The following ARHGAP24 variants were observed in gnomAD, a reference collection of about 807,000 sequenced individuals.
ARHGAP24 encodes the protein rho GTPase-activating protein 24.
A neutral mutation model predicts 76.4 loss-of-function variants in ARHGAP24; 50 were observed. The observed-to-expected ratio is 0.65, with a 90% CI of 0.52 to 0.83. ARHGAP24 has a LOEUF of 0.83. Ranked by LOEUF, ARHGAP24 falls within the 40% of genes least tolerant of loss-of-function variation. ARHGAP24 has a pLI of 0.00. For missense variants in ARHGAP24, 930 were observed against 914.2 expected (o/e 1.02, Z -0.22); for synonymous variants, 345 against 323.3 (o/e 1.07, Z -0.72).
At chr4:85,637,680 A>AAG (rs1721378980) in intron 2 of ARHGAP24, among the ~76,000 whole-genome samples, 1 of 152,072 alleles carries the variant, frequency 6.6e-6, no homozygotes, top group East Asian at 1.9e-4. Flanking sequence ...ATACATAATG[A>AAG]TGTTGAAATA....
chr4:85,969,067 T>C (rs1738801800), intron 5 of ARHGAP24, among the ~76,000 whole-genome samples: 1 of 152,164 alleles, frequency 6.6e-6, no homozygotes, highest in South Asian at 2.1e-4. Context: ...CTTGGAACAT[T>C]ACTGCAGCTT....
intron 3 of ARHGAP24, among the ~76,000 whole-genome samples, chr4:85,759,553 A>G (rs1311736241): frequency 6.6e-6 from 1 of 152,208 alleles, no homozygotes; most frequent in Non-Finnish European, 1.5e-5. Context: ...AAACTTACTC[A>G]GCAATCACTT....
chr4:85,740,044 C>A (rs1043326924), intron 3 of ARHGAP24, among the ~76,000 whole-genome samples: 6 of 152,156 alleles, frequency 3.9e-5, no homozygotes, highest in Non-Finnish European at 8.8e-5. Context: ...GATCGATGGC[C>A]TTTCACACAT....
At chr4:85,784,175 A>G (rs2110087635) in intron 3 of ARHGAP24, among the ~76,000 whole-genome samples, 1 of 152,084 alleles carries the variant, frequency 6.6e-6, no homozygotes, top group East Asian at 1.9e-4. Flanking sequence ...CTCTGTCTTC[A>G]CCTTCTGTTC....
chr4:85,604,984 A>G (rs56937766), intron 2 of ARHGAP24, among the ~76,000 whole-genome samples: 4,286 of 152,182 alleles, frequency 0.028, 194 homozygotes, highest in African/African-American at 0.098. Context: ...GATTACAGGC[A>G]TAAGCCACAG....
chr4:85,548,435 T>C (rs775116005), intron 1 of ARHGAP24, among the ~76,000 whole-genome samples: 1 of 152,210 alleles, frequency 6.6e-6, no homozygotes, highest in Non-Finnish European at 1.5e-5. Flanking sequence ...CATGAGTTCA[T>C]ACTGATACCT....
intron 2 of ARHGAP24, among the ~76,000 whole-genome samples, chr4:85,694,150 A>G (rs1251799214): frequency 6.6e-6 from 1 of 151,540 alleles, no homozygotes; most frequent in African/African-American, 2.4e-5. Flanking sequence ...ATCTATTCAA[A>G]TTATGTTGTT....
intron 2 of ARHGAP24, among the ~76,000 whole-genome samples, chr4:85,657,254 T>C (rs1420996835): frequency 2.0e-5 from 3 of 152,314 alleles, no homozygotes; most frequent in East Asian, 1.9e-4. Context: ...TTGGAACTTA[T>C]TAGAATTGTG....
chr4:85,876,360 G>A (rs1441531801), intron 3 of ARHGAP24, among the ~76,000 whole-genome samples: 1 of 152,116 alleles, frequency 6.6e-6, no homozygotes, highest in Non-Finnish European at 1.5e-5. Flanking sequence ...TTGTTGGAAG[G>A]AAACTTGAAG....
intron 3 of ARHGAP24, among the ~76,000 whole-genome samples, chr4:85,722,788 TCA>T (rs1725004684): frequency 6.6e-6 from 1 of 152,232 alleles, no homozygotes; most frequent in African/African-American, 2.4e-5. Context: ...ATTGATTTGA[TCA>T]CAGTCTAGGG....
At chr4:85,783,638 A>T (rs1727664860) in intron 3 of ARHGAP24, among the ~76,000 whole-genome samples, 1 of 152,168 alleles carries the variant, frequency 6.6e-6, no homozygotes, top group Admixed American at 6.5e-5. Context: ...TCTGAGTAAG[A>T]GGTCAATCAT....
chr4:85,685,296 G>A (rs902234714), intron 2 of ARHGAP24, among the ~76,000 whole-genome samples: 1 of 152,012 alleles, frequency 6.6e-6, no homozygotes, highest in African/African-American at 2.4e-5. Flanking sequence ...CTTTCCTCTG[G>A]CCTCTAATTT....
intron 1 of ARHGAP24, among the ~76,000 whole-genome samples, chr4:85,538,517 CT>C (rs1725561230): frequency 6.6e-6 from 1 of 152,104 alleles, no homozygotes; most frequent in Non-Finnish European, 1.5e-5. Flanking sequence ...AAGTGCCCCT[CT>C]GTAAGACACA....
chr4:85,914,570 A>C (rs1016968182), intron 3 of ARHGAP24, among the ~76,000 whole-genome samples: 1 of 152,216 alleles, frequency 6.6e-6, no homozygotes, highest in Non-Finnish European at 1.5e-5. Flanking sequence ...ATAAAGTTCA[A>C]TATAATTTCA....
At chr4:85,551,989 C>T (rs778791660) in intron 1 of ARHGAP24, among the ~76,000 whole-genome samples, 1 of 151,972 alleles carries the variant, frequency 6.6e-6, no homozygotes, top group Non-Finnish European at 1.5e-5. Context: ...TGATCTTTAT[C>T]TTTTGTATGT....
At chr4:85,685,581 C>G (rs113416456) in intron 2 of ARHGAP24, among the ~76,000 whole-genome samples, 1 of 149,700 alleles carries the variant, frequency 6.7e-6, no homozygotes, top group African/African-American at 2.5e-5. Context: ...TGCAGTTAGC[C>G]GAGATCGTGC....
chr4:85,818,611 A>G (rs1729343202), intron 3 of ARHGAP24, among the ~76,000 whole-genome samples: 1 of 152,242 alleles, frequency 6.6e-6, no homozygotes, highest in African/African-American at 2.4e-5. Flanking sequence ...AAAGGGCCTC[A>G]GTTAGGTGTC....
intron 2 of ARHGAP24, among the ~76,000 whole-genome samples, chr4:85,593,884 T>A (rs1422302006): frequency 1.3e-5 from 2 of 152,266 alleles, no homozygotes; most frequent in Middle Eastern, 6.8e-3. Flanking sequence ...AGTCAGGTTA[T>A]GTGATTCTTC....
intron 2 of ARHGAP24, among the ~76,000 whole-genome samples, chr4:85,653,903 G>T (rs1298794438): frequency 6.6e-6 from 1 of 152,078 alleles, no homozygotes; most frequent in Non-Finnish European, 1.5e-5. Context: ...CATCATGGAA[G>T]AATGTTCTAT....
Sources: gnomAD v4.1 joint callset for allele counts (sites outside exome capture counted in the v4.1 genomes callset) on GRCh38, gnomAD v4.1.1 for gene constraint, MANE v1.5 for transcripts, NCBI Gene and HGNC (gene_info 2026-07-23, HGNC 2026-07-21) for gene names.